The following ANKRD36 variants were observed in gnomAD, a reference collection of about 807,000 sequenced individuals.
ANKRD36 encodes ankyrin repeat domain 36.
Under a neutral mutation model 278.1 loss-of-function variants are expected in ANKRD36, and 179 were observed. The ratio of observed to expected loss-of-function variants is 0.64; its 90% CI spans 0.57 to 0.73. The LOEUF (loss-of-function observed/expected upper bound fraction) is 0.73, where lower values mean the gene tolerates loss of function less well. ANKRD36 is among the 30% of genes least tolerant of loss of function. The probability of loss-of-function intolerance (pLI) is 0.00; values close to 1 mark genes in which losing one functional copy is unlikely to be tolerated. For synonymous variants in ANKRD36, 320 were observed against 641.1 expected (o/e 0.50, Z 7.57); for missense variants, 1,159 against 1,956.7 (o/e 0.59, Z 7.69).
intron 62 of ANKRD36, 173 bp downstream of exon 62, chr2:97,215,670 T>G: frequency 6.6e-7 from 1 of 1,525,862 alleles, no homozygotes; most frequent in South Asian, 1.2e-5. Flanking sequence ...TCCTTGACCA[T>G]GATCTGAGTA....
intron 72 of ANKRD36, chr2:97,248,383 A>G (rs2075582878): frequency 8.8e-6 from 1 of 114,034 alleles, no homozygotes. Flanking sequence ...CTCCTTTGGC[A>G]TGTTTAATGG....
chr2:97,196,675 A>C (rs767395091), intron 41 of ANKRD36, 41 bp from the exon 42 acceptor site: 9 of 1,592,204 alleles, frequency 5.7e-6, no homozygotes, highest in Non-Finnish European at 6.8e-6. Flanking sequence ...TCTATGAAAC[A>C]TACTTTATTT....
chr2:97,154,930 A>G (rs968925454), intron 15 of ANKRD36, among the ~76,000 whole-genome samples, 189 bp downstream of exon 15: 3 of 145,116 alleles, frequency 2.1e-5, no homozygotes, highest in Admixed American at 6.8e-5. Flanking sequence ...TACTTTGCAA[A>G]TAAGAAATAG....
At position 97,158,723 on chromosome 2, in the gene ANKRD36, C is replaced by G. The variant is rs1054183029; in HGVS notation, c.1389+68C>G. On this transcript the variant is annotated intron_variant, in intron 17 of 75. Transcript: ENST00000420699. ...GTCCAGTCCTGTTCACCAACTCACT[C>G]TTATCTGTTAATGATCTTTAGTTTT... is the stretch of plus-strand genomic sequence containing the variant. The G allele has an allele frequency of 7.9e-6, 11 of 1,388,352 alleles. 2 individuals are homozygous for G. Among genetic ancestry groups the G allele is most frequent in the East Asian group, 2.6e-5 (1 of 39,002 alleles). The allele number at this position is 1,388,352 out of a possible 1,614,324, so 86.0% of individuals were successfully genotyped here.
chr2:97,260,371 TATATATATAC>T (rs2076583960), intron 75 of ANKRD36, among the ~76,000 whole-genome samples: 1 of 127,608 alleles, frequency 7.8e-6, no homozygotes, highest in Non-Finnish European at 1.5e-5. Flanking sequence ...TATATATATA[TATATATATAC>T]ACACATATAT....
At chr2:97,207,895 AC>A (rs2063318056) in intron 53 of ANKRD36, 38 bp from the exon 54 acceptor site, 1 of 1,539,624 alleles carries the variant, frequency 6.5e-7, no homozygotes, top group African/African-American at 1.4e-5. Context: ...TATGAAACAT[AC>A]TTTATTAATT....
intron 40 of ANKRD36, among the ~76,000 whole-genome samples, chr2:97,195,120 A>G (rs1443626467): frequency 6.6e-6 from 1 of 151,970 alleles, no homozygotes; most frequent in Admixed American, 6.6e-5. Flanking sequence ...GCATCCCCAC[A>G]TTACAATTGG....
At chr2:97,197,947 A>G (rs1439193982) in intron 42 of ANKRD36, among the ~76,000 whole-genome samples, 3 of 151,894 alleles carry the variant, frequency 2.0e-5, no homozygotes, top group African/African-American at 4.8e-5. Flanking sequence ...TGATCAATTT[A>G]GGACCCTTCC....
At chr2:97,207,766 G>T (rs1261715015) in intron 52 of ANKRD36, 45 bp from the exon 53 acceptor site, 2 of 1,543,598 alleles carry the variant, frequency 1.3e-6, no homozygotes, top group Admixed American at 3.9e-5. Flanking sequence ...GGATAATTTT[G>T]TCATTTTTAC....
At chr2:97,242,306 T>A (rs201528905) in intron 69 of ANKRD36, among the ~76,000 whole-genome samples, 2,944 of 147,024 alleles carry the variant, frequency 0.02, 117 homozygotes, top group African/African-American at 0.072. Flanking sequence ...AAAAAAAAAA[T>A]GTATCCAGTT....
chr2:97,244,188 T>C (rs1302910474), intron 70 of ANKRD36, among the ~76,000 whole-genome samples, 159 bp downstream of exon 70: 2 of 149,406 alleles, frequency 1.3e-5, no homozygotes, highest in African/African-American at 4.8e-5. Context: ...TTATTTATAA[T>C]AAACCTTGAA....
Position 97,201,849 on chromosome 2 carries a change from G to A in ANKRD36, c.2858-353G>A, listed in dbSNP as rs540175448. ...CATGAAAGACATGTGGGATCATGTA[G>A]CACCTGCTTTGACATTGATTCTCAG... On this transcript the variant is annotated intron_variant, in intron 46 of 75. Transcript: ENST00000420699. Among the ~76,000 whole-genome samples, 4 of 152,040 alleles carry A rather than the reference G, an allele frequency of 2.6e-5. 1 individual carries two copies. In the South Asian group the frequency reaches 6.3e-4, roughly 24 times the overall value.
intron 22 of ANKRD36, among the ~76,000 whole-genome samples, chr2:97,171,977 C>A (rs946203156): frequency 1.3e-5 from 2 of 152,062 alleles, no homozygotes; most frequent in African/African-American, 4.8e-5. Context: ...TGAGGTACCT[C>A]TGAGTTTCAA....
chr2:97,146,427 T>C, intron 10 of ANKRD36, 59 bp from the exon 11 acceptor site: 1 of 1,363,310 alleles, frequency 7.3e-7, no homozygotes, highest in Admixed American at 2.4e-5. Flanking sequence ...TTTTATGTTT[T>C]TAATATTTTA....
At chr2:97,222,314 A>G (rs1253616950) in intron 66 of ANKRD36, among the ~76,000 whole-genome samples, 1 of 152,082 alleles carries the variant, frequency 6.6e-6, no homozygotes, top group Non-Finnish European at 1.5e-5. Context: ...AATTCTGTGA[A>G]GAGATTTTCT....
chr2:97,151,652 C>A (rs1244165519), intron 12 of ANKRD36, among the ~76,000 whole-genome samples: 33 of 152,116 alleles, frequency 2.2e-4, no homozygotes, highest in African/African-American at 7.7e-4. Context: ...GTATAATAAT[C>A]AACATGGGTT....
At chr2:97,209,309 A>C (rs2063720759) in intron 54 of ANKRD36, among the ~76,000 whole-genome samples, 2 of 146,596 alleles carry the variant, frequency 1.4e-5, no homozygotes, top group Non-Finnish European at 3.0e-5. Context: ...TGTTGCATGA[A>C]AGACATATGG....
In ANKRD36 at chr2:97,124,509, C is replaced by A; in HGVS notation, c.643C>A (p.Leu215Ile). ...VTLGEKDIVI[L>I]LLQHNIDVLS... Reference sequence around the variant, plus strand: ...TCTTGGAGAAAAAGATATAGTCATTCTTCTTCTGCAGCACAATATTGATGT... The same window carrying A: ...TCTTGGAGAAAAAGATATAGTCATTATTCTTCTGCAGCACAATATTGATGT... Residue 215 changes from leucine to isoleucine, a missense_variant, in exon 5 of 76, where the codon CTT becomes ATT. Leu to Ile is a conservative substitution (Grantham distance 5, BLOSUM62 2). Transcript: ENST00000420699. The A allele has an allele frequency of 6.5e-7, 1 of 1,549,946 alleles. No homozygotes were observed. The highest frequency in any genetic ancestry group is 8.7e-7 in the Non-Finnish European group (1 of 1,147,094).
At chr2:97,198,803 G>A (rs1464308921) in intron 44 of ANKRD36, 145 bp downstream of exon 44, 1 of 994,418 alleles carries the variant, frequency 1.0e-6, no homozygotes, top group Non-Finnish European at 1.4e-6. Flanking sequence ...AAGTTCTTGG[G>A]TGATGCTGAT....
Sources: allele counts gnomAD v4.1 joint callset (sites outside exome capture counted in the v4.1 genomes callset), GRCh38; gene constraint gnomAD v4.1.1; transcripts MANE v1.5; gene names NCBI Gene and HGNC (gene_info 2026-07-23, HGNC 2026-07-21).